LRP5: variants seen among roughly 807,000 people sequenced by gnomAD.
LRP5 encodes the protein LDL receptor related protein 5.
A neutral mutation model predicts 154.1 loss-of-function variants in LRP5; 62 were observed. The observed-to-expected ratio is 0.40, with a 90% CI of 0.33 to 0.50. The LOEUF (loss-of-function observed/expected upper bound fraction) is 0.50. Ranked by LOEUF, LRP5 falls within the 20% of genes least tolerant of loss-of-function variation. The pLI is 0.55. For synonymous variants in LRP5, 966 were observed against 1,011.5 expected (o/e 0.96, Z 0.85); for missense variants, 1,915 against 2,336.7 (o/e 0.82, Z 3.72).
chr11:68,396,595 A>G (rs1350816040), intron 7 of LRP5, among the ~76,000 whole-genome samples: 1 of 152,162 alleles, frequency 6.6e-6, no homozygotes, highest in Admixed American at 6.5e-5. Context: ...GGCATTAGAG[A>G]CGCCCACAAC....
At chr11:68,415,217 G>A (rs976788706) in intron 12 of LRP5, among the ~76,000 whole-genome samples, 1 of 152,176 alleles carries the variant, frequency 6.6e-6, no homozygotes, top group South Asian at 2.1e-4. Flanking sequence ...GCACTGAGAG[G>A]AGGCCCAGCT....
chr11:68,423,608 C>T lies in LRP5; in HGVS notation c.3147C>T (p.Asn1049=), dbSNP rs200247220. ...CGTGCGAGGCCACCAATACCATCAA[C>T]GTCCACAGGCTGAGCGGGGAAGCCA... ...FWTCEATNTI[N]VHRLSGEAMG... The change falls in exon 14 of 23, where the codon AAC becomes AAT. Residue 1049 remains asparagine, a synonymous_variant. Coordinates refer to ENST00000294304, the MANE Select transcript of LRP5 (RefSeq NM_002335.4). The surrounding 1 kb of genome is among the most constrained non-coding windows in gnomAD (Gnocchi z 4.7). 1.1e-5 allele frequency: 17 copies of T among 1,614,222 alleles called. No homozygotes were observed. In the African/African-American group the frequency reaches 1.1e-4, roughly 10 times the overall value.
chr11:68,434,762 G>A (rs1300415654), intron 18 of LRP5, among the ~76,000 whole-genome samples: 1 of 140,366 alleles, frequency 7.1e-6, no homozygotes, highest in Admixed American at 7.2e-5. Context: ...CTGCTGAGGA[G>A]CTGTTGATGC....
rs1439845047 is a variant in LRP5, at chr11:68,374,295, C to T, written c.1015+8593C>T. 2.6e-5 allele frequency among the ~76,000 whole-genome samples: 4 copies of T among 152,200 alleles called. No homozygotes were observed. In the East Asian group the frequency reaches 7.7e-4, roughly 29 times the overall value. ...GGGCCGAATAACGGGCGTTTGTTCC[C>T]AGAGTCTGGCTGTCTTGTCACTTAT... is the stretch of plus-strand genomic sequence containing the variant. On this transcript the variant is annotated intron_variant, in intron 5 of 22. Transcript: ENST00000294304.
intron 1 of LRP5, among the ~76,000 whole-genome samples, chr11:68,313,241 G>C (rs1215399863): frequency 6.6e-6 from 1 of 151,788 alleles, no homozygotes; most frequent in Non-Finnish European, 1.5e-5. Context: ...CGCCCCGCGT[G>C]CTCCGAGGAC....
At chr11:68,346,352 A>G (rs1291322838) in intron 1 of LRP5, among the ~76,000 whole-genome samples, 1 of 152,144 alleles carries the variant, frequency 6.6e-6, no homozygotes, top group Non-Finnish European at 1.5e-5. Flanking sequence ...CATCCTGTGG[A>G]GCATGTCTCC....
rs1486076549 is a variant in LRP5 at position 68,389,303 on chromosome 11, G to A, written c.1413-578G>A. On this transcript the variant is annotated intron_variant, in intron 6 of 22. Transcript: ENST00000294304. The stretch of plus-strand genomic sequence containing the variant: ...ACCAACACTGACATTTACCGACATT[G>A]ACATTTACTGACACTGACATCTACT... Among the ~76,000 whole-genome samples, 5 of 151,678 alleles carry A rather than the reference G, an allele frequency of 3.3e-5. No individual in the cohort carries two copies. In the East Asian group the frequency reaches 9.7e-4, roughly 29 times the overall value.
intron 5 of LRP5, among the ~76,000 whole-genome samples, chr11:68,381,260 C>T (rs1306495854): frequency 1.3e-5 from 2 of 152,150 alleles, no homozygotes; most frequent in African/African-American, 4.8e-5. Context: ...TGCAGGGATG[C>T]ATGTCTTAGG....
At chr11:68,342,045 CT>C (rs1347136920) in intron 1 of LRP5, among the ~76,000 whole-genome samples, 2 of 149,394 alleles carry the variant, frequency 1.3e-5, no homozygotes, top group African/African-American at 5.0e-5. Context: ...CCTCTACAGG[CT>C]TTTCTCCTGA....
Position 68,423,393 on chromosome 11 carries a change from A to T in LRP5, c.3028-96A>T. 1 of 1,167,928 alleles carries T rather than the reference A, an allele frequency of 8.6e-7. No individual in the cohort carries two copies. The highest frequency in any genetic ancestry group is 1.3e-6 in the Non-Finnish European group (1 of 776,672). The allele number at this position is 1,167,928 out of a possible 1,614,324, so 72.3% of individuals were successfully genotyped here. On this transcript the variant is annotated intron_variant, in intron 13 of 22. Coordinates refer to ENST00000294304, the MANE Select transcript of LRP5 (RefSeq NM_002335.4). The surrounding 1 kb of genome is among the most constrained non-coding windows in gnomAD (Gnocchi z 4.7). ...CTCCAGCCAGTGCCCGGGGGTCTCCACCAGTGCCCGGGGGTCTCCGCCAGT... is the reference window on the plus strand; with the variant it reads ...CTCCAGCCAGTGCCCGGGGGTCTCCTCCAGTGCCCGGGGGTCTCCGCCAGT...
chr11:68,400,879 A>AC (rs1292736836), intron 7 of LRP5, among the ~76,000 whole-genome samples: 1 of 152,218 alleles, frequency 6.6e-6, no homozygotes, highest in Admixed American at 6.5e-5. Flanking sequence ...ACATGGTGGA[A>AC]CCCCATCTCT....
At chr11:68,322,606 G>A (rs1182415563) in intron 1 of LRP5, among the ~76,000 whole-genome samples, 3 of 152,256 alleles carry the variant, frequency 2.0e-5, no homozygotes, top group African/African-American at 4.8e-5. Flanking sequence ...ACCTGGGAGG[G>A]CCTTGAGGAC....
At chr11:68,325,828 T>G (rs1334068538) in intron 1 of LRP5, among the ~76,000 whole-genome samples, 1 of 152,198 alleles carries the variant, frequency 6.6e-6, no homozygotes, top group Non-Finnish European at 1.5e-5. Flanking sequence ...GGAATGATCT[T>G]TATGCTCCCA....
chr11:68,306,709 G>T, the LRP5 span, among the ~76,000 whole-genome samples: 5 of 152,218 alleles, frequency 3.3e-5, no homozygotes, highest in Non-Finnish European at 7.3e-5. Flanking sequence ...AAATAAGACT[G>T]CTCTGTGGAC....
intron 1 of LRP5, among the ~76,000 whole-genome samples, chr11:68,347,120 G>A (rs1253741352): frequency 6.6e-6 from 1 of 152,236 alleles, no homozygotes; most frequent in Non-Finnish European, 1.5e-5. Flanking sequence ...AGAGGCCAAG[G>A]CCTTGGAGGC....
rs149071544 is a variant in LRP5 at position 68,356,672 on chromosome 11, T to A, written c.489-978T>A. Among the ~76,000 whole-genome samples, 8 of 152,258 alleles carry A rather than the reference T, an allele frequency of 5.3e-5. No homozygotes were observed. In the East Asian group the frequency reaches 1.3e-3, roughly 26 times the overall value. Reference sequence around the variant, plus strand: ...GAGGGTTCGCCCTTGATTTGTACATTCTTGGTTTAGACAGATGAGTAAGGA... The same window carrying A: ...GAGGGTTCGCCCTTGATTTGTACATACTTGGTTTAGACAGATGAGTAAGGA... On this transcript the variant is annotated intron_variant, in intron 2 of 22. Coordinates refer to ENST00000294304, the MANE Select transcript of LRP5 (RefSeq NM_002335.4).
chr11:68,360,861 G>A (rs1250039294), intron 3 of LRP5, among the ~76,000 whole-genome samples: 1 of 151,576 alleles, frequency 6.6e-6, no homozygotes, highest in Non-Finnish European at 1.5e-5. Context: ...GCCAGGTGTG[G>A]TGGTGGGTGC....
At chr11:68,356,419 A>G (rs312790) in intron 2 of LRP5, among the ~76,000 whole-genome samples, 71,003 of 151,936 alleles carry the variant, frequency 0.47, 18,650 homozygotes, top group African/African-American at 0.69. Context: ...TTACAGGTGC[A>G]AGCCATCGTG....
At chr11:68,358,692 G>A (rs980576775) in intron 3 of LRP5, among the ~76,000 whole-genome samples, 2 of 152,214 alleles carry the variant, frequency 1.3e-5, no homozygotes, top group Non-Finnish European at 1.5e-5. Flanking sequence ...GAGTAGGAAG[G>A]GTTTTCCCCT....
Sources: gnomAD v4.1 joint callset for allele counts (sites outside exome capture counted in the v4.1 genomes callset) on GRCh38, gnomAD v4.1.1 for gene constraint, Gnocchi (gnomAD v3.1) non-coding constraint, MANE v1.5 for transcripts, NCBI Gene and HGNC (gene_info 2026-07-23, HGNC 2026-07-21) for gene names.